TRDN: variants seen among roughly 807,000 people sequenced by gnomAD.
TRDN encodes triadin.
Under a neutral mutation model 149.7 loss-of-function variants are expected in TRDN, and 161 were observed. The ratio of observed to expected loss-of-function variants is 1.08; its 90% CI spans 0.95 to 1.23. TRDN has a LOEUF of 1.23. Among genes scored for constraint, TRDN ranks in the 50% most tolerant of loss-of-function variants. The probability of loss-of-function intolerance (pLI) is 0.00; values close to 1 mark genes in which losing one functional copy is unlikely to be tolerated. For missense variants in TRDN, 896 were observed against 823.5 expected, an observed-to-expected ratio of 1.09 and a Z score of -1.08; for synonymous variants, 294 against 250.5, an observed-to-expected ratio of 1.17 and a Z score of -1.64.
chr6:123,429,725 G>C (rs1774256427), intron 12 of TRDN, among the ~76,000 whole-genome samples: 1 of 151,806 alleles, frequency 6.6e-6, no homozygotes, highest in Non-Finnish European at 1.5e-5. Context: ...CATTTTCCCA[G>C]GAAAATTTAT....
intron 26 of TRDN, 117 bp downstream of exon 26, chr6:123,278,200 TG>T (rs1424546319): frequency 5.8e-6 from 4 of 685,118 alleles, no homozygotes; most frequent in Non-Finnish European, 8.5e-6. Flanking sequence ...TTTTTTAAGT[TG>T]GTCAAGGATA....
At chr6:123,377,993 T>C in intron 16 of TRDN, 95 bp from the exon 17 acceptor site, 1 of 830,542 alleles carries the variant, frequency 1.2e-6, no homozygotes, top group East Asian at 2.7e-5. Flanking sequence ...AACATGCATG[T>C]GCTGATGCCA....
chr6:123,298,903 TA>T (rs1390698897), intron 24 of TRDN, among the ~76,000 whole-genome samples: 3 of 152,086 alleles, frequency 2.0e-5, no homozygotes, highest in African/African-American at 4.8e-5. Context: ...AAAACATGTA[TA>T]AGTTTATATA....
At chr6:123,301,768 T>TATATATATATACATATATATATATATAC in intron 24 of TRDN, among the ~76,000 whole-genome samples, 3,007 of 91,670 alleles carry the variant, frequency 0.033, 269 homozygotes, top group Middle Eastern at 0.047. Context: ...TATATATATA[T>TATATATATATACATATATATATATATAC]ACATATATAT....
chr6:123,622,924 A>C (rs940510279), intron 1 of TRDN, among the ~76,000 whole-genome samples: 5 of 152,120 alleles, frequency 3.3e-5, no homozygotes, highest in African/African-American at 1.2e-4. Flanking sequence ...ATCCACCTTG[A>C]GGTTTGCTAT....
At chr6:123,350,420 CAAAT>C (rs555816095) in intron 21 of TRDN, 557 of 638,940 alleles carry the variant, frequency 8.7e-4, no homozygotes, top group Non-Finnish European at 1.0e-3. Flanking sequence ...CATGTTTAAA[CAAAT>C]AAATAAAATA....
chr6:123,312,496 A>G (rs1415301702), intron 24 of TRDN, among the ~76,000 whole-genome samples: 1 of 151,990 alleles, frequency 6.6e-6, no homozygotes, highest in Non-Finnish European at 1.5e-5. Flanking sequence ...AATACAGCAT[A>G]TAATACATAT....
At chr6:123,504,585 A>C (rs186228354) in intron 7 of TRDN, among the ~76,000 whole-genome samples, 64 of 152,254 alleles carry the variant, frequency 4.2e-4, no homozygotes, top group African/African-American at 1.4e-3. Flanking sequence ...TAGTTTTTAA[A>C]GCCCTTAAAC....
At chr6:123,304,031 A>G (rs1778518262) in intron 24 of TRDN, among the ~76,000 whole-genome samples, 1 of 152,080 alleles carries the variant, frequency 6.6e-6, no homozygotes, top group Non-Finnish European at 1.5e-5. Flanking sequence ...AGAGTTGTAA[A>G]TGACTCAGAA....
At chr6:123,233,096 A>G (rs1377916636) in intron 38 of TRDN, among the ~76,000 whole-genome samples, 1 of 152,104 alleles carries the variant, frequency 6.6e-6, no homozygotes, top group Non-Finnish European at 1.5e-5. Context: ...CTGTTTCTGC[A>G]GAGATACCCA....
chr6:123,494,718 TC>T (rs1194422692), intron 9 of TRDN, among the ~76,000 whole-genome samples: 1 of 152,098 alleles, frequency 6.6e-6, no homozygotes, highest in Non-Finnish European at 1.5e-5. Flanking sequence ...TGGTTAGCAC[TC>T]CTTTGACCTA....
At chr6:123,501,074 C>CTG (rs140591765) in intron 8 of TRDN, among the ~76,000 whole-genome samples, 128 of 149,464 alleles carry the variant, frequency 8.6e-4, no homozygotes, top group Middle Eastern at 3.4e-3. Context: ...GTGTGTGTGT[C>CTG]TGTGTGTGTG....
intron 9 of TRDN, among the ~76,000 whole-genome samples, chr6:123,484,940 G>C (rs186382556): frequency 3.3e-5 from 5 of 152,288 alleles, no homozygotes; most frequent in Admixed American, 2.6e-4. Flanking sequence ...TGAGAGAGTG[G>C]TAACAGCTTC....
At chr6:123,244,267 G>A (rs980613373) in intron 38 of TRDN, among the ~76,000 whole-genome samples, 13 of 152,132 alleles carry the variant, frequency 8.5e-5, no homozygotes, top group African/African-American at 3.1e-4. Context: ...ACAGAAGTAG[G>A]CTTCAGAAGG....
chr6:123,330,044 G>A (rs1338007668), intron 23 of TRDN, among the ~76,000 whole-genome samples: 1 of 151,950 alleles, frequency 6.6e-6, no homozygotes, highest in Non-Finnish European at 1.5e-5. Context: ...CAACCACCTG[G>A]TATGGGATTA....
intron 23 of TRDN, among the ~76,000 whole-genome samples, chr6:123,327,808 A>G (rs1779514653): frequency 6.6e-6 from 1 of 152,072 alleles, no homozygotes; most frequent in African/African-American, 2.4e-5. Flanking sequence ...CAATTCTTAT[A>G]CCTTTTCTCC....
At chr6:123,350,303 T>C (rs1296406566) in intron 21 of TRDN, 3 of 950,812 alleles carry the variant, frequency 3.2e-6, no homozygotes, top group Admixed American at 6.2e-5. Flanking sequence ...ATATCCATAG[T>C]ATTTAAGTCC....
chr6:123,272,463 C>A (rs1314262327), intron 29 of TRDN, among the ~76,000 whole-genome samples: 1 of 151,262 alleles, frequency 6.6e-6, no homozygotes, highest in African/African-American at 2.4e-5. Context: ...TATTAGCTTA[C>A]TTCTACTTTC....
intron 5 of TRDN, among the ~76,000 whole-genome samples, chr6:123,523,346 G>A (rs1779781346): frequency 6.6e-6 from 1 of 152,156 alleles, no homozygotes; most frequent in Non-Finnish European, 1.5e-5. Flanking sequence ...GGGGTCTGGA[G>A]TGCTAAGGGT....
Sources: allele counts gnomAD v4.1 joint callset (sites outside exome capture counted in the v4.1 genomes callset), GRCh38; gene constraint gnomAD v4.1.1; transcripts MANE v1.5; gene names NCBI Gene and HGNC (gene_info 2026-07-23, HGNC 2026-07-21).